HHAT: variants seen among roughly 807,000 people sequenced by gnomAD.
The protein encoded by HHAT is hedgehog acyltransferase.
A neutral mutation model predicts 70.8 loss-of-function variants in HHAT; 47 were observed. The ratio of observed to expected loss-of-function variants is 0.66; its 90% CI spans 0.53 to 0.85. The LOEUF (loss-of-function observed/expected upper bound fraction) is 0.85. HHAT is among the 40% of genes least tolerant of loss of function. The pLI is 0.00. For synonymous variants in HHAT, 228 were observed against 247.6 expected (o/e 0.92, Z 0.74); for missense variants, 609 against 604.8 (o/e 1.01, Z -0.07).
intron 9 of HHAT, among the ~76,000 whole-genome samples, chr1:210,521,491 T>G (rs2095157316): frequency 2.0e-5 from 3 of 152,216 alleles, no homozygotes; most frequent in Admixed American, 1.3e-4. Flanking sequence ...CTAAAAATCA[T>G]TGGCATTTTG....
At chr1:210,408,059 G>A (rs2148228332) in intron 6 of HHAT, among the ~76,000 whole-genome samples, 1 of 152,224 alleles carries the variant, frequency 6.6e-6, no homozygotes, top group South Asian at 2.1e-4. Flanking sequence ...CCTTACTTAT[G>A]CCTCAGTCTT....
chr1:210,635,580 T>C (rs1031940250), intron 11 of HHAT, among the ~76,000 whole-genome samples: 6 of 152,192 alleles, frequency 3.9e-5, no homozygotes, highest in African/African-American at 7.2e-5. Flanking sequence ...ACAGAAAAGA[T>C]GGAAGAAGAA....
intron 10 of HHAT, among the ~76,000 whole-genome samples, chr1:210,597,181 C>G (rs1192777026): frequency 6.6e-6 from 1 of 152,304 alleles, no homozygotes; most frequent in East Asian, 1.9e-4. Flanking sequence ...TTCTCCCAGA[C>G]AAATGGAGTC....
At chr1:210,385,880 T>C (rs1220849611) in intron 3 of HHAT, among the ~76,000 whole-genome samples, 1 of 152,168 alleles carries the variant, frequency 6.6e-6, no homozygotes, top group Non-Finnish European at 1.5e-5. Context: ...GTAAGGTAAG[T>C]ACTATTGTCA....
At chr1:210,583,747 T>C (rs1438281120) in intron 9 of HHAT, among the ~76,000 whole-genome samples, 1 of 152,156 alleles carries the variant, frequency 6.6e-6, no homozygotes, top group Non-Finnish European at 1.5e-5. Context: ...TTTTGTTGGC[T>C]GTCATTTTGA....
chr1:210,446,544 C>G (rs912995829), intron 7 of HHAT, among the ~76,000 whole-genome samples: 4 of 152,182 alleles, frequency 2.6e-5, no homozygotes, highest in Non-Finnish European at 5.9e-5. Context: ...GTCTGATCCT[C>G]CTTAACAAAA....
chr1:210,618,741 T>C (rs2148863252), intron 10 of HHAT, among the ~76,000 whole-genome samples: 1 of 152,338 alleles, frequency 6.6e-6, no homozygotes, highest in Non-Finnish European at 1.5e-5. Flanking sequence ...CCCACGTTCC[T>C]GCAGCCCCCC....
intron 9 of HHAT, among the ~76,000 whole-genome samples, chr1:210,573,960 C>T (rs560950930): frequency 4.6e-5 from 7 of 152,110 alleles, no homozygotes; most frequent in East Asian, 1.9e-4. Context: ...AAAGGAAATT[C>T]GCCAGGATTT....
chr1:210,587,387 A>G (rs1405795304), intron 9 of HHAT, among the ~76,000 whole-genome samples: 1 of 152,174 alleles, frequency 6.6e-6, no homozygotes, highest in African/African-American at 2.4e-5. Context: ...ATTCGCTATC[A>G]TGAGAACAGC....
chr1:210,573,491 A>C (rs1239003254), intron 9 of HHAT, among the ~76,000 whole-genome samples: 1 of 152,238 alleles, frequency 6.6e-6, no homozygotes, highest in Non-Finnish European at 1.5e-5. Context: ...CCTTGCAGAT[A>C]TCAAATACTG....
intron 9 of HHAT, among the ~76,000 whole-genome samples, chr1:210,530,034 G>A (rs2095297983): frequency 6.6e-6 from 1 of 152,236 alleles, no homozygotes; most frequent in South Asian, 2.1e-4. Context: ...GACCACGTGA[G>A]TCTTGAGGTA....
At chr1:210,653,296 A>C (rs1469706683) in intron 11 of HHAT, among the ~76,000 whole-genome samples, 3 of 152,182 alleles carry the variant, frequency 2.0e-5, no homozygotes, top group Admixed American at 6.5e-5. Context: ...TAATCCCAGC[A>C]CTTTGGGAGG....
At chr1:210,596,559 A>G (rs530998299) in intron 10 of HHAT, among the ~76,000 whole-genome samples, 2 of 152,016 alleles carry the variant, frequency 1.3e-5, no homozygotes, top group South Asian at 2.1e-4. Context: ...CTCATCTTCA[A>G]GTGTGCTAAT....
chr1:210,440,497 C>T (rs544456711), intron 7 of HHAT, among the ~76,000 whole-genome samples: 24 of 151,876 alleles, frequency 1.6e-4, no homozygotes, highest in East Asian at 3.9e-4. Flanking sequence ...CCTGAGTGGA[C>T]GCAATCCCCA....
At chr1:210,450,682 A>G (rs1287183068) in intron 7 of HHAT, among the ~76,000 whole-genome samples, 1 of 151,582 alleles carries the variant, frequency 6.6e-6, no homozygotes, top group Non-Finnish European at 1.5e-5. Context: ...TCTACATATT[A>G]AATAAATATA....
At chr1:210,406,400 CT>C (rs11462087) in intron 6 of HHAT, among the ~76,000 whole-genome samples, 87 of 146,766 alleles carry the variant, frequency 5.9e-4, no homozygotes, top group Non-Finnish European at 3.9e-4. Flanking sequence ...CCTTTTTCTT[CT>C]TTTTTTTTTT....
At chr1:210,434,064 T>C (rs2093319504) in intron 7 of HHAT, among the ~76,000 whole-genome samples, 2 of 151,844 alleles carry the variant, frequency 1.3e-5, no homozygotes, top group Non-Finnish European at 2.9e-5. Context: ...AGAAGGAATA[T>C]TAATTAATGA....
rs74158955 is a variant in HHAT at position 210,633,857 on chromosome 1, G to C, written c.1390+10187G>C. On this transcript the variant is annotated intron_variant, in intron 11 of 11. Coordinates refer to ENST00000261458, the MANE Select transcript of HHAT (RefSeq NM_018194.6). ...GCGCATGTGCCCACAGAGCCTCTCT[G>C]CGCCCTTTTGTTCTCCTCTGGCTAT... 3.3e-3 allele frequency among the ~76,000 whole-genome samples: 504 copies of C among 152,280 alleles called. 3 individuals are homozygous for C. Among genetic ancestry groups the C allele is most frequent in the African/African-American group, 0.012 (480 of 41,558 alleles).
At chr1:210,507,515 C>T (rs1350067000) in intron 8 of HHAT, among the ~76,000 whole-genome samples, 1 of 151,928 alleles carries the variant, frequency 6.6e-6, no homozygotes, top group African/African-American at 2.4e-5. Context: ...CACCCAACAC[C>T]ACGCCTGGCT....
Sources: gnomAD v4.1 joint callset for allele counts (sites outside exome capture counted in the v4.1 genomes callset) on GRCh38, gnomAD v4.1.1 for gene constraint, MANE v1.5 for transcripts, NCBI Gene and HGNC (gene_info 2026-07-23, HGNC 2026-07-21) for gene names.